The following CDK15 variants were observed in gnomAD, a reference collection of about 807,000 sequenced individuals.
CDK15 encodes the protein cyclin-dependent kinase 15.
In CDK15, 62 loss-of-function variants were observed where a neutral mutation model predicts 60.3. The ratio of observed to expected loss-of-function variants is 1.03; its 90% CI spans 0.84 to 1.27. The LOEUF (loss-of-function observed/expected upper bound fraction) is 1.27. Among genes scored for constraint, CDK15 ranks in the 50% most tolerant of loss-of-function variants. CDK15 has a pLI of 0.00. For synonymous variants in CDK15, 194 were observed against 195.7 expected, an observed-to-expected ratio of 0.99 and a Z score of 0.07; for missense variants, 541 against 527.8, an observed-to-expected ratio of 1.03 and a Z score of -0.25.
At chr2:201,825,654 T>A (rs2105719029) in intron 6 of CDK15, among the ~76,000 whole-genome samples, 1 of 152,336 alleles carries the variant, frequency 6.6e-6, no homozygotes, top group South Asian at 2.1e-4. Flanking sequence ...GACTTTTTTT[T>A]TATGGTAATG....
Position 201,854,895 on chromosome 2 carries a change from G to T in CDK15, c.967G>T (p.Asp323Tyr). 1 of 1,614,044 alleles carries T rather than the reference G, an allele frequency of 6.2e-7. No homozygotes were observed. Among genetic ancestry groups the T allele is most frequent in the Non-Finnish European group, 8.5e-7 (1 of 1,179,978 alleles). ...IWEVLGVPTE[D>Y]TWPGVSKLPN... ...ATAGGTGCTGGGAGTCCCTACAGAG[G>T]ATACTTGGCCGGGAGTCTCCAAGCT... Residue 323 changes from aspartate to tyrosine, a missense_variant, in exon 10 of 14, where the codon GAT becomes TAT. Asp to Tyr is a radical substitution (Grantham distance 160, BLOSUM62 -3). Transcript: ENST00000652192.
At chr2:201,835,928 T>TTTTATATA (rs1305236639) in intron 8 of CDK15, among the ~76,000 whole-genome samples, 165 bp downstream of exon 8, 1 of 137,364 alleles carries the variant, frequency 7.3e-6, no homozygotes, top group Non-Finnish European at 1.5e-5. Flanking sequence ...TATATTTATA[T>TTTTATATA]TTTATATATT....
chr2:201,858,351 CCCTT>C (rs1225364567), intron 10 of CDK15, among the ~76,000 whole-genome samples: 2 of 144,302 alleles, frequency 1.4e-5, no homozygotes, highest in East Asian at 2.2e-4. Flanking sequence ...CTCCCTCCCT[CCCTT>C]CCTTCCTTCC....
intron 12 of CDK15, chr2:201,889,287 C>A: frequency 1.0e-6 from 1 of 985,316 alleles, no homozygotes. Flanking sequence ...AAATTGTGAA[C>A]CTGGGAAAAG....
intron 13 of CDK15, among the ~76,000 whole-genome samples, chr2:201,891,431 G>T (rs191786122): frequency 1.3e-5 from 2 of 152,206 alleles, no homozygotes; most frequent in Non-Finnish European, 2.9e-5. Context: ...GCAAAATTTT[G>T]TCCTGGTAAG....
At chr2:201,810,835 CTCTTTT>C (rs1695723434) in intron 3 of CDK15, among the ~76,000 whole-genome samples, 3 of 133,980 alleles carry the variant, frequency 2.2e-5, no homozygotes, top group Admixed American at 2.2e-4. Flanking sequence ...ATGGTATGCA[CTCTTTT>C]TTTTTTTTTT....
chr2:201,885,544 T>C (rs1218495720), intron 12 of CDK15, among the ~76,000 whole-genome samples: 1 of 152,166 alleles, frequency 6.6e-6, no homozygotes, highest in African/African-American at 2.4e-5. Flanking sequence ...TTGTTCTCCA[T>C]CCATTTCAAT....
At chr2:201,881,881 G>A (rs761995483) in intron 12 of CDK15, among the ~76,000 whole-genome samples, 5 of 151,888 alleles carry the variant, frequency 3.3e-5, no homozygotes, top group East Asian at 1.9e-4. Context: ...AAGTGTACAC[G>A]CTTGGATGTA....
At position 201,807,840 on chromosome 2, in the gene CDK15, C is replaced by T. The variant is rs201753010; in HGVS notation, c.274-18C>T. ...TCTTCCCTTTCACCCGCTCCTTTTC[C>T]CCATTCCCCTAGAGCAGAGGAAGAG... On this transcript the variant is annotated intron_variant, in intron 2 of 13. Coordinates refer to ENST00000652192, the MANE Select transcript of CDK15 (RefSeq NM_001366386.2). 7 of 1,594,898 alleles carry T rather than the reference C, an allele frequency of 4.4e-6. No individual in the cohort carries two copies. The highest frequency in any genetic ancestry group is 5.1e-6 in the Non-Finnish European group (6 of 1,174,336).
chr2:201,815,146 TC>T (rs1194091583), intron 4 of CDK15, among the ~76,000 whole-genome samples: 5 of 152,160 alleles, frequency 3.3e-5, no homozygotes, highest in Non-Finnish European at 1.5e-5. Context: ...AGACAGGGTT[TC>T]CCCATGTTGG....
At position 201,893,999 on chromosome 2, in the gene CDK15, G is replaced by A. The variant is rs1699708476; in HGVS notation, c.*732G>A. On this transcript the variant is annotated 3_prime_UTR_variant, in exon 14 of 14. Transcript: ENST00000652192. Reference sequence around the variant, plus strand: ...ACAGTGATGGGGAATCTAAGCGCTGGTTTGATGGTGGAGATATTGAATAAG... The same window carrying A: ...ACAGTGATGGGGAATCTAAGCGCTGATTTGATGGTGGAGATATTGAATAAG... 6.6e-6 allele frequency: 1 copy of A among 151,780 alleles called. No homozygotes were observed. The highest frequency in any genetic ancestry group is 2.4e-5 in the African/African-American group (1 of 41,194). The allele number at this position is 151,780 out of a possible 1,614,324, so 9.4% of individuals were successfully genotyped here. A position where few individuals can be genotyped will look rare whatever the true frequency, so the allele number is the denominator to read the frequency against.
At chr2:201,852,662 G>A (rs1357225715) in intron 9 of CDK15, among the ~76,000 whole-genome samples, 1 of 152,074 alleles carries the variant, frequency 6.6e-6, no homozygotes, top group Non-Finnish European at 1.5e-5. Context: ...GCACTCACTG[G>A]CTGCCTTTTA....
At chr2:201,817,051 C>T (rs79902259) in intron 4 of CDK15, among the ~76,000 whole-genome samples, 15 of 152,324 alleles carry the variant, frequency 9.8e-5, no homozygotes, top group East Asian at 3.9e-4. Context: ...GAGGTACACC[C>T]GCTGCTGCTG....
At chr2:201,833,656 C>T (rs938416266) in intron 6 of CDK15, among the ~76,000 whole-genome samples, 192 bp from the exon 7 acceptor site, 2 of 149,852 alleles carry the variant, frequency 1.3e-5, no homozygotes, top group South Asian at 4.2e-4. Context: ...AGTCTAGTTA[C>T]TTGACTTTTC....
intron 9 of CDK15, among the ~76,000 whole-genome samples, chr2:201,853,797 T>C (rs1698013183): frequency 6.6e-6 from 1 of 152,028 alleles, no homozygotes; most frequent in Non-Finnish European, 1.5e-5. Flanking sequence ...ATCCAAAGTC[T>C]GAGCTGTTTT....
At chr2:201,852,959 A>G (rs1697977603) in intron 9 of CDK15, among the ~76,000 whole-genome samples, 1 of 152,236 alleles carries the variant, frequency 6.6e-6, no homozygotes, top group Admixed American at 6.5e-5. Context: ...TTCACCTTAG[A>G]GAAAACATGA....
At chr2:201,821,881 G>A (rs7568157) in intron 4 of CDK15, among the ~76,000 whole-genome samples, 40,069 of 151,636 alleles carry the variant, frequency 0.26, 5,415 homozygotes, top group East Asian at 0.4. Flanking sequence ...GGGTTTCACC[G>A]CGTTGGCCAG....
intron 12 of CDK15, chr2:201,888,423 T>G: frequency 6.5e-7 from 1 of 1,529,890 alleles, no homozygotes; most frequent in Non-Finnish European, 8.7e-7. Context: ...TCTCAAAAAA[T>G]TTTTAAACAC....
At chr2:201,814,026 C>T (rs938573108) in intron 4 of CDK15, among the ~76,000 whole-genome samples, 1 of 152,180 alleles carries the variant, frequency 6.6e-6, no homozygotes, top group Non-Finnish European at 1.5e-5. Context: ...TATTTGTGAA[C>T]GTAATAGAAA....
Sources: allele counts gnomAD v4.1 joint callset (sites outside exome capture counted in the v4.1 genomes callset), GRCh38; gene constraint gnomAD v4.1.1; transcripts MANE v1.5; gene names NCBI Gene and HGNC (gene_info 2026-07-23, HGNC 2026-07-21).